Variants in LIMCH1 observed in about 807,000 individuals in gnomAD.
LIMCH1 encodes LIM and calponin homology domains 1.
Under a neutral mutation model 176.5 loss-of-function variants are expected in LIMCH1, and 113 were observed. The ratio of observed to expected loss-of-function variants is 0.64; its 90% CI spans 0.55 to 0.75. The LOEUF (loss-of-function observed/expected upper bound fraction) is 0.75. Among genes scored for constraint, LIMCH1 ranks in the 30% least tolerant of loss-of-function variants. The pLI, the probability that LIMCH1 is intolerant of heterozygous loss-of-function variation, is 0.00. For synonymous variants in LIMCH1, 619 were observed against 645.9 expected (o/e 0.96, Z 0.63); for missense variants, 1,674 against 1,814.9 (o/e 0.92, Z 1.41).
intron 1 of LIMCH1, among the ~76,000 whole-genome samples, chr4:41,476,454 C>A (rs1379848777): frequency 6.6e-6 from 1 of 152,176 alleles, no homozygotes; most frequent in Non-Finnish European, 1.5e-5. Context: ...AAGGTTCACT[C>A]CTGTGCAGGC....
chr4:41,598,665 G>A (rs1033793007), intron 1 of LIMCH1, among the ~76,000 whole-genome samples: 1 of 152,116 alleles, frequency 6.6e-6, no homozygotes, highest in African/African-American at 2.4e-5. Context: ...CTTTTTAATG[G>A]CATTTTACTT....
intron 3 of LIMCH1, 80 bp from the exon 4 acceptor site, chr4:41,605,814 G>GTTAGTGGTA: frequency 1.3e-6 from 1 of 799,212 alleles, no homozygotes; most frequent in South Asian, 1.5e-5. Flanking sequence ...CTGCCTTCCT[G>GTTAGTGGTA]TTAGTGGTAC....
chr4:41,513,203 A>G, intron 2 of LIMCH1, among the ~76,000 whole-genome samples: 1 of 152,248 alleles, frequency 6.6e-6, no homozygotes. Flanking sequence ...AAGAAAGGCC[A>G]TGGAATGGAA....
intron 21 of LIMCH1, chr4:41,671,103 T>G: frequency 1.2e-5 from 7 of 589,578 alleles, no homozygotes; most frequent in Non-Finnish European, 1.5e-5. Context: ...AAACTGATCA[T>G]AGTTCTCTTG....
intron 2 of LIMCH1, among the ~76,000 whole-genome samples, chr4:41,500,658 GA>G (rs2073107897): frequency 6.6e-6 from 1 of 152,224 alleles, no homozygotes; most frequent in African/African-American, 2.4e-5. Flanking sequence ...GGCAAGGTCA[GA>G]TGTCCTGCCC....
intron 2 of LIMCH1, among the ~76,000 whole-genome samples, chr4:41,495,162 C>T (rs1445976848): frequency 6.6e-6 from 1 of 152,102 alleles, no homozygotes; most frequent in Non-Finnish European, 1.5e-5. Context: ...TGAAGTAGCT[C>T]TAGCTACAAA....
In LIMCH1 at chr4:41,419,681, C is replaced by CG. The variant is rs1554040110; in HGVS notation, c.96+58745_96+58746insG. Among the ~76,000 whole-genome samples the CG allele has an allele frequency of 3.8e-3, 216 of 56,266 alleles. 13 individuals are homozygous for CG. The highest frequency in any genetic ancestry group is 0.019 in the African/African-American group (186 of 9,566). 36.9% of individuals were successfully genotyped at this position (56,266 alleles called of 152,430 possible). On this transcript the variant is annotated intron_variant, in intron 1 of 26. Coordinates refer to the LIMCH1 transcript ENST00000313860. ...CCTTCCTTCCTTCCTTCCTTCCTTC[C>CG]TCCTTCCTTCCTTCCTTCCTTCCTT...
chr4:41,477,120 T>G (rs2067863399), intron 1 of LIMCH1, among the ~76,000 whole-genome samples: 1 of 152,190 alleles, frequency 6.6e-6, no homozygotes, highest in Admixed American at 6.5e-5. Context: ...CTGCCCAGCT[T>G]AGAATCCTGG....
At chr4:41,379,152 G>A (rs111336456) in intron 1 of LIMCH1, among the ~76,000 whole-genome samples, 1 of 152,232 alleles carries the variant, frequency 6.6e-6, no homozygotes, top group South Asian at 2.1e-4. Context: ...GATGGTTCTG[G>A]CTCGGGTTTT....
chr4:41,697,126 C>T (rs752291222), intron 31 of LIMCH1, 34 bp from the exon 32 acceptor site: 1 of 1,611,846 alleles, frequency 6.2e-7, no homozygotes, highest in South Asian at 1.1e-5. Flanking sequence ...TGTTGCCTAC[C>T]ACTCTTGTTT....
At chr4:41,499,558 G>A (rs1401191814) in intron 2 of LIMCH1, among the ~76,000 whole-genome samples, 2 of 152,286 alleles carry the variant, frequency 1.3e-5, no homozygotes, top group East Asian at 1.9e-4. Context: ...GATGGCTCAC[G>A]CCTATAATTC....
chr4:41,599,432 A>C (rs1433965628), intron 2 of LIMCH1, among the ~76,000 whole-genome samples: 1 of 152,232 alleles, frequency 6.6e-6, no homozygotes, highest in Non-Finnish European at 1.5e-5. Context: ...GCATTAGATT[A>C]TGGAGAACTT....
At chr4:41,579,877 C>A (rs541041016) in intron 1 of LIMCH1, among the ~76,000 whole-genome samples, 1 of 152,276 alleles carries the variant, frequency 6.6e-6, no homozygotes, top group East Asian at 1.9e-4. Flanking sequence ...GACCCAGTCT[C>A]CATTTGAAGG....
chr4:41,386,778 G>A (rs1422504700), intron 1 of LIMCH1, among the ~76,000 whole-genome samples: 2 of 152,198 alleles, frequency 1.3e-5, no homozygotes, highest in Non-Finnish European at 2.9e-5. Flanking sequence ...ATTTAGCAAA[G>A]ATGTATCTAA....
chr4:41,576,469 A>G (rs573314462), intron 1 of LIMCH1, among the ~76,000 whole-genome samples: 9 of 152,170 alleles, frequency 5.9e-5, no homozygotes, highest in African/African-American at 2.2e-4. Flanking sequence ...TTACAGATAC[A>G]CTCCCATTTA....
At chr4:41,446,273 C>T (rs2063281134) in intron 1 of LIMCH1, among the ~76,000 whole-genome samples, 2 of 152,068 alleles carry the variant, frequency 1.3e-5, no homozygotes, top group Non-Finnish European at 2.9e-5. Context: ...GGCAATGCAG[C>T]AGGGTATAGG....
rs879415411 is a variant in LIMCH1, at chr4:41,490,212, A to C, written c.97-4324A>C. On this transcript the variant is annotated intron_variant, in intron 1 of 26. Coordinates refer to the LIMCH1 transcript ENST00000313860. ...GCGTAAGTGGACCCACACAGTTCAA[A>C]CCTGTGTTGTTGGAGAGTCAGCTGT... Among the ~76,000 whole-genome samples, 129 of 150,534 alleles carry C rather than the reference A, an allele frequency of 8.6e-4. 1 individual carries two copies. Among genetic ancestry groups the C allele is most frequent in the Non-Finnish European group, 1.6e-3 (110 of 67,646 alleles).
At chr4:41,611,585 C>T (rs970840372) in intron 4 of LIMCH1, among the ~76,000 whole-genome samples, 2 of 152,212 alleles carry the variant, frequency 1.3e-5, no homozygotes, top group African/African-American at 2.4e-5. Context: ...AGAATCACAG[C>T]TTTGCCACTA....
At chr4:41,527,703 G>C (rs2076806933) in intron 3 of LIMCH1, among the ~76,000 whole-genome samples, 1 of 151,784 alleles carries the variant, frequency 6.6e-6, no homozygotes, top group South Asian at 2.1e-4. Flanking sequence ...GGCGCCTGTA[G>C]TCCCAGCTAC....
Sources: gnomAD v4.1 joint callset for allele counts (sites outside exome capture counted in the v4.1 genomes callset) on GRCh38, gnomAD v4.1.1 for gene constraint, MANE v1.5 for transcripts, NCBI Gene and HGNC (gene_info 2026-07-23, HGNC 2026-07-21) for gene names.